The following SEMA3A variants were observed in gnomAD, a reference collection of about 807,000 sequenced individuals.
SEMA3A encodes the protein semaphorin 3A.
Under a neutral mutation model 97.9 loss-of-function variants are expected in SEMA3A, and 29 were observed. That is an observed-to-expected ratio of 0.30 (90% CI 0.22 to 0.40). The LOEUF (loss-of-function observed/expected upper bound fraction) is 0.40, where lower values mean the gene tolerates loss of function less well. Ranked by LOEUF, SEMA3A falls within the 10% of genes least tolerant of loss-of-function variation. The pLI, the probability that SEMA3A is intolerant of heterozygous loss-of-function variation, is 1.00. For missense variants in SEMA3A, 763 were observed against 951.3 expected (o/e 0.80, Z 2.60); for synonymous variants, 321 against 323.7 (o/e 0.99, Z 0.09).
At position 84,265,477 on chromosome 7, in the gene SEMA3A, T is replaced by TTATATATAAAATATATTATATATCATA. The variant is rs1491355299; in HGVS notation, c.-83+41703_-83+41729dup. On this transcript the variant is annotated intron_variant, in intron 3 of 3. Coordinates refer to the SEMA3A transcript ENST00000424555. ...ATATATTATACAAGATGAATATATC[T>TTATATATAAAATATATTATATATCATA]TATATATAAAATATATTATATATCA... 1.0e-4 allele frequency among the ~76,000 whole-genome samples: 15 copies of TTATATATAAAATATATTATATATCATA among 147,500 alleles called. No individual in the cohort carries two copies. The South Asian group carries it at 2.3e-3, about 23-fold the overall frequency.
chr7:84,048,529 A>C (rs998739862), intron 5 of SEMA3A, among the ~76,000 whole-genome samples: 1 of 151,900 alleles, frequency 6.6e-6, no homozygotes, highest in African/African-American at 2.4e-5. Context: ...TCTCAGTTAA[A>C]AGTGCATTGT....
Position 84,150,244 on chromosome 7 carries a change from T to C in SEMA3A, c.113-15293A>G, listed in dbSNP as rs561679965. Among the ~76,000 whole-genome samples the C allele has an allele frequency of 6.5e-4, 99 of 152,322 alleles. 2 individuals carry two copies. Among genetic ancestry groups the C allele is most frequent in the South Asian group, 6.4e-3 (31 of 4,830 alleles). ...GAAATTGCTGTAGAAGCTGAGATTA[T>C]GGCGAACAGGAACAGCTCCAGTCTA... On this transcript the variant is annotated intron_variant, in intron 1 of 16. Coordinates refer to ENST00000265362, the MANE Select transcript of SEMA3A (RefSeq NM_006080.3).
chr7:84,085,759 T>C (rs1794315286), intron 4 of SEMA3A, among the ~76,000 whole-genome samples: 1 of 152,172 alleles, frequency 6.6e-6, no homozygotes. Flanking sequence ...CATTCTCCTC[T>C]AAACTTTTCT....
At chr7:84,119,218 C>T (rs539202191) in intron 3 of SEMA3A, among the ~76,000 whole-genome samples, 11 of 152,072 alleles carry the variant, frequency 7.2e-5, no homozygotes, top group Non-Finnish European at 1.5e-4. Context: ...AACACATGCA[C>T]ACATGTATGC....
intron 12 of SEMA3A, among the ~76,000 whole-genome samples, chr7:83,988,855 T>G (rs1011969430): frequency 7.0e-6 from 1 of 142,606 alleles, no homozygotes; most frequent in Non-Finnish European, 1.5e-5. Context: ...ATCATGGATA[T>G]TCAGCTTTTT....
At chr7:84,197,424 C>T (rs1223287672), upstream of SEMA3A, among the ~76,000 whole-genome samples, 1 of 152,026 alleles carries the variant, frequency 6.6e-6, no homozygotes, top group African/African-American at 2.4e-5. Context: ...TGGCCACACA[C>T]AGATAATTCA....
intron 1 of SEMA3A, among the ~76,000 whole-genome samples, chr7:84,379,556 C>T (rs572051220): frequency 7.4e-4 from 113 of 152,098 alleles, no homozygotes; most frequent in Non-Finnish European, 1.4e-3. Flanking sequence ...ATCTATAAAA[C>T]ATATGAACAT....
intron 1 of SEMA3A, among the ~76,000 whole-genome samples, chr7:84,170,215 A>C (rs1797342758): frequency 1.3e-5 from 2 of 151,992 alleles, no homozygotes; most frequent in Non-Finnish European, 2.9e-5. Flanking sequence ...TAACGATAAA[A>C]GATTTTAAAC....
chr7:84,216,450 C>A (rs1449019068), intron 3 of SEMA3A, among the ~76,000 whole-genome samples: 1 of 152,080 alleles, frequency 6.6e-6, no homozygotes, highest in Non-Finnish European at 1.5e-5. Context: ...TAGCTCATTG[C>A]ATTAGGATAT....
chr7:84,190,228 C>T (rs1797999883), intron 1 of SEMA3A, among the ~76,000 whole-genome samples: 1 of 151,616 alleles, frequency 6.6e-6, no homozygotes, highest in Admixed American at 6.6e-5. Context: ...TTTTTACAAG[C>T]CCTCATCTGA....
At chr7:84,000,677 G>A (rs3801594) in intron 12 of SEMA3A, among the ~76,000 whole-genome samples, 33,492 of 151,906 alleles carry the variant, frequency 0.22, 3,869 homozygotes, top group Middle Eastern at 0.25. Flanking sequence ...TATGACTGTA[G>A]AGTCTAAACC....
intron 1 of SEMA3A, among the ~76,000 whole-genome samples, chr7:84,166,725 A>T (rs1279508953): frequency 6.6e-6 from 1 of 151,368 alleles, no homozygotes; most frequent in Admixed American, 6.6e-5. Context: ...ACAAAAAAAA[A>T]TTAGCTGGGC....
At chr7:84,475,478 C>T (rs1180874480) in intron 1 of SEMA3A, among the ~76,000 whole-genome samples, 3 of 152,196 alleles carry the variant, frequency 2.0e-5, no homozygotes, top group Admixed American at 6.5e-5. Context: ...AGCAGCCATA[C>T]AGATGTTAGA....
chr7:84,030,611 T>G (rs1791706602), intron 6 of SEMA3A, among the ~76,000 whole-genome samples: 1 of 152,132 alleles, frequency 6.6e-6, no homozygotes, highest in South Asian at 2.1e-4. Flanking sequence ...TGGTTATGTT[T>G]AAAATAAGGA....
chr7:84,246,951 T>C (rs1250519031), intron 3 of SEMA3A, among the ~76,000 whole-genome samples: 1 of 152,154 alleles, frequency 6.6e-6, no homozygotes, highest in Non-Finnish European at 1.5e-5. Context: ...AATGATATAA[T>C]GTAATACAAA....
intron 6 of SEMA3A, among the ~76,000 whole-genome samples, chr7:84,035,563 A>G (rs1183702399): frequency 6.6e-6 from 1 of 152,070 alleles, no homozygotes; most frequent in South Asian, 2.1e-4. Flanking sequence ...ATCTTAAAGC[A>G]AAATAAAACC....
chr7:84,252,750 T>C (rs980228872), intron 3 of SEMA3A, among the ~76,000 whole-genome samples: 22 of 152,236 alleles, frequency 1.4e-4, no homozygotes, highest in African/African-American at 5.1e-4. Context: ...TTACAGAAAT[T>C]GTATATATAA....
chr7:84,086,604 A>ATATAATATATTATTAT (rs1382445049), intron 4 of SEMA3A, among the ~76,000 whole-genome samples: 10 of 141,466 alleles, frequency 7.1e-5, no homozygotes, highest in African/African-American at 1.3e-4. Context: ...TTATATTTAT[A>ATATAATATATTATTAT]ATCCTCACAA....
chr7:84,091,684 G>A (rs1361259369), intron 4 of SEMA3A, among the ~76,000 whole-genome samples: 2 of 152,084 alleles, frequency 1.3e-5, no homozygotes, highest in African/African-American at 4.8e-5. Context: ...TTCAGTCAGG[G>A]TTAGAGAAAA....
Sources: allele counts gnomAD v4.1 joint callset (sites outside exome capture counted in the v4.1 genomes callset), GRCh38; gene constraint gnomAD v4.1.1; transcripts MANE v1.5; gene names NCBI Gene and HGNC (gene_info 2026-07-23, HGNC 2026-07-21).